Variants in CCDC13 observed in about 807,000 individuals in gnomAD.
CCDC13 encodes the protein coiled-coil domain containing 13.
A neutral mutation model predicts 87.3 loss-of-function variants in CCDC13; 70 were observed. The ratio of observed to expected loss-of-function variants is 0.80; its 90% CI spans 0.66 to 0.98. The LOEUF (loss-of-function observed/expected upper bound fraction) is 0.98. Ranked by LOEUF, CCDC13 falls within the 50% of genes least tolerant of loss-of-function variation. The pLI is 0.00. For synonymous variants in CCDC13, 317 were observed against 360.3 expected (o/e 0.88, Z 1.36); for missense variants, 842 against 892.0 (o/e 0.94, Z 0.71).
At chr3:42,758,828 A>T (rs1033769989) in intron 1 of CCDC13, among the ~76,000 whole-genome samples, 2 of 152,110 alleles carry the variant, frequency 1.3e-5, no homozygotes, top group African/African-American at 4.8e-5. Context: ...CGGCTCAGTG[A>T]ATCTTTCCAT....
intron 14 of CCDC13, 78 bp downstream of exon 14, chr3:42,713,084 A>G (rs1156992222): frequency 2.0e-6 from 3 of 1,512,660 alleles, no homozygotes; most frequent in African/African-American, 2.8e-5. Context: ...TGGGCTGAAC[A>G]GTGCAGCTGC....
chr3:42,759,631 T>C (rs902636830), intron 1 of CCDC13, among the ~76,000 whole-genome samples: 1 of 152,100 alleles, frequency 6.6e-6, no homozygotes, highest in Non-Finnish European at 1.5e-5. Flanking sequence ...TATAAGCTCA[T>C]TCGTTTTTAT....
chr3:42,716,989 TA>T lies in CCDC13; in HGVS notation c.1719-3674del, dbSNP rs570908739. Among the ~76,000 whole-genome samples, 573 of 152,286 alleles carry T rather than the reference TA, an allele frequency of 3.8e-3. 2 individuals carry two copies. The highest frequency in any genetic ancestry group is 0.01 in the African/African-American group (419 of 41,548). ...CACACAATAAAATATTATTCAGTCATAAAAAGGAATGAAGTTCTGACATATG... is the reference window on the plus strand; with the variant it reads ...CACACAATAAAATATTATTCAGTCATAAAAGGAATGAAGTTCTGACATATG... On this transcript the variant is annotated intron_variant, in intron 13 of 15. Coordinates refer to ENST00000310232, the MANE Select transcript of CCDC13 (RefSeq NM_144719.4).
At chr3:42,746,341 G>T in intron 6 of CCDC13, 1 of 310,620 alleles carries the variant, frequency 3.2e-6, no homozygotes. Context: ...ACCAACTCCT[G>T]CTTCCTTAAC....
intron 4 of CCDC13, 96 bp from the exon 5 acceptor site, chr3:42,752,121 G>T: frequency 2.8e-6 from 3 of 1,059,306 alleles, no homozygotes; most frequent in South Asian, 1.4e-5. Context: ...TACCTATCTT[G>T]GTGGTGTGTC....
chr3:42,708,901 G>T lies in CCDC13; in HGVS notation c.*79C>A. 1 of 1,448,040 alleles carries T rather than the reference G, an allele frequency of 6.9e-7. No individual in the cohort carries two copies. Among genetic ancestry groups the T allele is most frequent in the Non-Finnish European group, 9.2e-7 (1 of 1,088,750 alleles). 89.7% of individuals were successfully genotyped at this position (1,448,040 alleles called of 1,614,324 possible). ...TGCCCTGGGCTGGCTTCCCGGAGCA[G>T]ATGGAGTCCTCAGACAGAGTCTTAT... On this transcript the variant is annotated 3_prime_UTR_variant, in exon 16 of 16. Transcript: ENST00000310232.
rs1698217633 is a variant in CCDC13, at chr3:42,708,092, C to T, written c.*888G>A. ...AAGCTCCAGCTGAGCCCCACCTCGG[C>T]CCTCTGCCACCAGCATCCATCAGCA... is the stretch of plus-strand genomic sequence containing the variant. On this transcript the variant is annotated 3_prime_UTR_variant, in exon 16 of 16. Coordinates refer to ENST00000310232, the MANE Select transcript of CCDC13 (RefSeq NM_144719.4). 6.6e-6 allele frequency among the ~76,000 whole-genome samples: 1 copy of T among 152,184 alleles called. No individual in the cohort carries two copies. Among genetic ancestry groups the T allele is most frequent in the Admixed American group, 6.5e-5 (1 of 15,286 alleles).
intron 12 of CCDC13, among the ~76,000 whole-genome samples, chr3:42,732,372 G>A (rs907598405): frequency 6.6e-6 from 1 of 152,156 alleles, no homozygotes; most frequent in Non-Finnish European, 1.5e-5. Flanking sequence ...TTGACAGCAG[G>A]AGCATGGCTC....
At chr3:42,736,566 C>T (rs918208665) in intron 9 of CCDC13, among the ~76,000 whole-genome samples, 4 of 152,132 alleles carry the variant, frequency 2.6e-5, no homozygotes, top group Non-Finnish European at 5.9e-5. Context: ...CCTCAGAGGA[C>T]ATCCAGCCCT....
At chr3:42,705,049 AT>A (rs1348821482), downstream of CCDC13, 5 of 151,886 alleles carry the variant, frequency 3.3e-5, no homozygotes, top group Non-Finnish European at 7.3e-5. Context: ...TGTTCATGGC[AT>A]GTGTTTGCTG....
intron 6 of CCDC13, chr3:42,746,980 T>G (rs1699417296): frequency 1.8e-6 from 1 of 546,806 alleles, no homozygotes; most frequent in Non-Finnish European, 3.3e-6. Flanking sequence ...GACAGTGCTG[T>G]CCTCCTCAGT....
rs181838586 is a variant in CCDC13, at chr3:42,761,306, C to T, written c.-6-2955G>A. 3.8e-3 allele frequency among the ~76,000 whole-genome samples: 578 copies of T among 152,272 alleles called. 3 individuals carry two copies. Among genetic ancestry groups the T allele is most frequent in the Non-Finnish European group, 5.6e-3 (383 of 68,032 alleles). The stretch of plus-strand genomic sequence containing the variant: ...CTTGCTGTTACCTCTCCAGGAATGT[C>T]CTTCCCCCAGACATCTACCTTACCT... On this transcript the variant is annotated intron_variant, in intron 1 of 15. Coordinates refer to ENST00000310232, the MANE Select transcript of CCDC13 (RefSeq NM_144719.4).
chr3:42,707,761 T>C lies in CCDC13; in HGVS notation c.*1219A>G, dbSNP rs1274768256. 6.6e-6 allele frequency among the ~76,000 whole-genome samples: 1 copy of C among 152,226 alleles called. No homozygotes were observed. Among genetic ancestry groups the C allele is most frequent in the Non-Finnish European group, 1.5e-5 (1 of 68,032 alleles). On this transcript the variant is annotated 3_prime_UTR_variant, in exon 16 of 16. Transcript: ENST00000310232. ...GTGTGCACACATGGAGGTGCCTGTG[T>C]GCACGTACAGTTGCATGCTCCTGAA...
chr3:42,735,455 G>C (rs1175349421), intron 10 of CCDC13, among the ~76,000 whole-genome samples: 1 of 152,214 alleles, frequency 6.6e-6, no homozygotes, highest in African/African-American at 2.4e-5. Flanking sequence ...TAAACTGGAA[G>C]GTGCCTGGGT....
chr3:42,732,992 C>T lies in CCDC13; in HGVS notation c.1512-22G>A, dbSNP rs973136484. ...AGAGCTGTGTAAAGGCGGAAGGGGC[C>T]CATCAGCCTGGGAAGGCAGACCAGG... On this transcript the variant is annotated intron_variant, in intron 11 of 15. Coordinates refer to ENST00000310232, the MANE Select transcript of CCDC13 (RefSeq NM_144719.4). 7.1e-6 allele frequency: 11 copies of T among 1,547,898 alleles called. No individual in the cohort carries two copies. In the African/African-American group the frequency reaches 1.2e-4, roughly 17 times the overall value.
chr3:42,710,620 G>A (rs866806353), intron 14 of CCDC13, among the ~76,000 whole-genome samples: 7 of 152,224 alleles, frequency 4.6e-5, no homozygotes, highest in Non-Finnish European at 2.9e-5. Flanking sequence ...ATTGCTTGAG[G>A]TCAGGAGTTC....
intron 1 of CCDC13, among the ~76,000 whole-genome samples, chr3:42,769,086 C>G (rs771086054): frequency 8.6e-5 from 13 of 151,648 alleles, no homozygotes; most frequent in Non-Finnish European, 1.9e-4. Context: ...TGCAGTGAGC[C>G]GAGATCATGC....
chr3:42,735,022 T>A (rs560194183), intron 10 of CCDC13, among the ~76,000 whole-genome samples: 1 of 152,224 alleles, frequency 6.6e-6, no homozygotes, highest in South Asian at 2.1e-4. Flanking sequence ...GGAAAATGAC[T>A]ACACAGCGTG....
intron 1 of CCDC13, among the ~76,000 whole-genome samples, chr3:42,762,589 A>T (rs941691466): frequency 6.6e-6 from 1 of 152,214 alleles, no homozygotes; most frequent in East Asian, 1.9e-4. Flanking sequence ...TACTCCATGT[A>T]AGTTGCCACG....
Sources: allele counts gnomAD v4.1 joint callset (sites outside exome capture counted in the v4.1 genomes callset), GRCh38; gene constraint gnomAD v4.1.1; transcripts MANE v1.5; gene names NCBI Gene and HGNC (gene_info 2026-07-23, HGNC 2026-07-21).